IRF3: variants seen among roughly 807,000 people sequenced by gnomAD.
IRF3 encodes interferon regulatory factor 3.
A neutral mutation model predicts 43.2 loss-of-function variants in IRF3; 29 were observed. The ratio of observed to expected loss-of-function variants is 0.67; its 90% CI spans 0.50 to 0.91. The LOEUF is 0.91. IRF3 is among the 40% of genes least tolerant of loss of function. The pLI, the probability that IRF3 is intolerant of heterozygous loss-of-function variation, is 0.00. For missense variants in IRF3, 505 were observed against 559.1 expected (o/e 0.90, Z 0.98); for synonymous variants, 228 against 233.9 (o/e 0.97, Z 0.23).
intron 4 of IRF3, 145 bp from the exon 5 acceptor site, chr19:49,662,762 C>T: frequency 1.5e-6 from 1 of 681,514 alleles, no homozygotes. Context: ...ACAGAGCCAG[C>T]CATGGCATCA....
At chr19:49,660,904 C>A (rs1335522263) in intron 6 of IRF3, 76 bp from the exon 7 acceptor site, 4 of 1,500,890 alleles carry the variant, frequency 2.7e-6, no homozygotes, top group Admixed American at 2.0e-5. Flanking sequence ...TGAATGATAA[C>A]CCCCACCACC....
Position 49,665,685 on chromosome 19 carries a change from C to G in IRF3, c.-63G>C, listed in dbSNP as rs561258503. The G allele has an allele frequency of 1.2e-5, 14 of 1,202,264 alleles. No individual in the cohort carries two copies. The highest frequency in any genetic ancestry group is 1.5e-5 in the African/African-American group (1 of 65,694). The allele number at this position is 1,202,264 out of a possible 1,614,324, so 74.5% of individuals were successfully genotyped here. ...GCTGGAACCCACCCCTGTCTTGGAG[C>G]TCCGGGTAGCTCTCAAACTCGAGGC... On this transcript the variant is annotated 5_prime_UTR_variant, in exon 1 of 8. Coordinates refer to ENST00000377139, the MANE Select transcript of IRF3 (RefSeq NM_001571.6).
chr19:49,662,629 C>CA lies in IRF3; in HGVS notation c.409-13dup. On this transcript the variant is annotated splice_polypyrimidine_tract_variant and intron_variant, in intron 4 of 7. Coordinates refer to ENST00000377139, the MANE Select transcript of IRF3 (RefSeq NM_001571.6). Reference sequence around the variant, plus strand: ...TCCAGAATGTCTTCCTGGAGGGAAACAAAAAAAGAGAATCAGGCATTTCCA... The same window carrying CA: ...TCCAGAATGTCTTCCTGGAGGGAAACAAAAAAAAGAGAATCAGGCATTTCCA... 2.6e-6 allele frequency: 4 copies of CA among 1,523,210 alleles called. No individual in the cohort carries two copies. The East Asian group carries it at 9.8e-5, about 37-fold the overall frequency. 94.4% of individuals were successfully genotyped at this position (1,523,210 alleles called of 1,614,324 possible). A position where few individuals can be genotyped will look rare whatever the true frequency, so the allele number is the denominator to read the frequency against.
In IRF3 at chr19:49,662,506, G is replaced by A. The variant is rs747188367; in HGVS notation, c.520C>T (p.Pro174Ser). 22 of 1,561,174 alleles carry A rather than the reference G, an allele frequency of 1.4e-5. No individual in the cohort carries two copies. Among genetic ancestry groups the A allele is most frequent in the Admixed American group, 8.3e-5 (4 of 48,028 alleles). ...PEPCPQPLRS[P>S]SLDNPTPFPN... ...AAGGGAGTGGGATTGTCCAAGCTGGGGCTCCGCAGGGGCTGAGGGCAGGGC... is the reference window on the plus strand; with the variant it reads ...AAGGGAGTGGGATTGTCCAAGCTGGAGCTCCGCAGGGGCTGAGGGCAGGGC... The change falls in exon 5 of 8, where the codon CCC becomes TCC. Residue 174 changes from proline to serine, a missense_variant. Transcript: ENST00000377139.
At chr19:49,664,089 C>T in intron 2 of IRF3, among the ~76,000 whole-genome samples, 1 of 152,182 alleles carries the variant, frequency 6.6e-6, no homozygotes, top group East Asian at 1.9e-4. Context: ...TGGCCTCAAA[C>T]TCCTGGGCTC....
At chr19:49,664,548 C>T in intron 2 of IRF3, 126 bp downstream of exon 2, 4 of 1,599,926 alleles carry the variant, frequency 2.5e-6, no homozygotes, top group Non-Finnish European at 3.4e-6. Context: ...TCTAGCCCCA[C>T]CCACCAGCGT....
At chr19:49,664,582 G>C in intron 2 of IRF3, 92 bp downstream of exon 2, 1 of 1,567,630 alleles carries the variant, frequency 6.4e-7, no homozygotes, top group East Asian at 2.4e-5. Flanking sequence ...CCCCTCGCGC[G>C]CCACCTCCGC....
intron 2 of IRF3, chr19:49,663,862 A>T (rs943014183): frequency 3.7e-6 from 1 of 270,214 alleles, no homozygotes; most frequent in African/African-American, 2.3e-5. Flanking sequence ...CACCTGGCTA[A>T]TTTTTGTATT....
chr19:49,665,600 A>C, intron 1 of IRF3, 31 bp downstream of exon 1: 1 of 565,744 alleles, frequency 1.8e-6, no homozygotes, highest in South Asian at 2.3e-5. Flanking sequence ...CTCGGACGCC[A>C]CCAACGCTCT....
chr19:49,659,719 A>T lies in IRF3; in HGVS notation c.1213T>A (p.Ser405Thr), dbSNP rs780497970. ...ISNSHPLSLT[S>T]DQYKAYLQDL... ...TGCAGGTAGGCCTTGTACTGGTCGGAGGTGAGGGAGAGTGGGTGGCTGTTG... is the reference window on the plus strand; with the variant it reads ...TGCAGGTAGGCCTTGTACTGGTCGGTGGTGAGGGAGAGTGGGTGGCTGTTG... Residue 405 changes from serine (S) to threonine (T), a missense_variant, in exon 8 of 8, where the codon TCC becomes ACC. Transcript: ENST00000377139. 3 of 1,613,836 alleles carry T rather than the reference A, an allele frequency of 1.9e-6. No individual in the cohort carries two copies. The South Asian group carries it at 3.3e-5, about 18-fold the overall frequency.
At position 49,661,966 on chromosome 19, in the gene IRF3, G is replaced by A; in HGVS notation, c.964C>T (p.Leu322=). 6.2e-7 allele frequency: 1 copy of A among 1,611,724 alleles called. No homozygotes were observed. The highest frequency in any genetic ancestry group is 2.2e-5 in the East Asian group (1 of 44,840). ...CACTCACCTACAATGAAGGGCCCCA[G>A]GTCAAACACGCCTCCTTCCTTGTCC... ...PKDKEGGVFD[L]GPFIVDLITF... is the part of the protein sequence containing the mutation. The change falls in exon 6 of 8, where the codon CTG becomes TTG. Residue 322 remains leucine, a synonymous_variant. Coordinates refer to ENST00000377139, the MANE Select transcript of IRF3 (RefSeq NM_001571.6).
Position 49,660,093 on chromosome 19 carries a change from AACACACACAC to A in IRF3, c.1099-270_1099-261del, listed in dbSNP as rs140415851. 3.1e-5 allele frequency among the ~76,000 whole-genome samples: 4 copies of A among 130,592 alleles called. No homozygotes were observed. In the East Asian group the frequency reaches 8.3e-4, roughly 27 times the overall value. 85.7% of individuals were successfully genotyped at this position (130,592 alleles called of 152,430 possible). On this transcript the variant is annotated intron_variant, in intron 7 of 7. Coordinates refer to ENST00000377139, the MANE Select transcript of IRF3 (RefSeq NM_001571.6). ...AGTTGTAGTTTTACACACACACACA[AACACACACAC>A]ACACACACGTCAGGGCTGAGCAGTC...
At chr19:49,664,485 C>G (rs1243780633) in intron 2 of IRF3, 189 bp downstream of exon 2, 2 of 1,548,178 alleles carry the variant, frequency 1.3e-6, no homozygotes, top group Non-Finnish European at 1.7e-6. Flanking sequence ...AGCTCCAACC[C>G]TGCTTGCGCC....
intron 6 of IRF3, 78 bp from the exon 7 acceptor site, chr19:49,660,906 C>T (rs997823134): frequency 1.3e-6 from 2 of 1,495,372 alleles, no homozygotes; most frequent in Non-Finnish European, 1.8e-6. Context: ...AATGATAACC[C>T]CCACCACCTC....
At position 49,662,201 on chromosome 19, in the gene IRF3, G is replaced by C; in HGVS notation, c.729C>G (p.Val243=). Residue 243 remains valine (V), a synonymous_variant, in exon 6 of 8, where the codon GTC becomes GTG. Transcript: ENST00000377139. Reference sequence around the variant, plus strand: ...GGGACATGCCAGGGTCTGGCAGTGTGACTGGCCATCCAGGCAGCGTCCTGT... The same window carrying C: ...GGGACATGCCAGGGTCTGGCAGTGTCACTGGCCATCCAGGCAGCGTCCTGT... ...VGDRTLPGWP[V]TLPDPGMSLT... 6.2e-7 allele frequency: 1 copy of C among 1,614,076 alleles called. No individual in the cohort carries two copies. Among genetic ancestry groups the C allele is most frequent in the Non-Finnish European group, 8.5e-7 (1 of 1,180,048 alleles).
At chr19:49,664,469 C>G (rs2304207) in intron 2 of IRF3, 233,085 of 1,530,516 alleles carry the variant, frequency 0.15, 19,015 homozygotes, top group Middle Eastern at 0.25. Context: ...ATTCCCGTAA[C>G]CCTGCAGCTC....
rs990389807 is a variant in IRF3, at chr19:49,661,829, T to G, written c.982+119A>C. 5.6e-6 allele frequency: 7 copies of G among 1,252,356 alleles called. No homozygotes were observed. In the Middle Eastern group the frequency reaches 8.2e-4, roughly 147 times the overall value. 77.6% of individuals were successfully genotyped at this position (1,252,356 alleles called of 1,614,324 possible). A position where few individuals can be genotyped will look rare whatever the true frequency, so the allele number is the denominator to read the frequency against. On this transcript the variant is annotated intron_variant, in intron 6 of 7. Coordinates refer to ENST00000377139, the MANE Select transcript of IRF3 (RefSeq NM_001571.6). ...CTCCTGAACTTGTCATCTGCCCACCTCAGCCTCCCAAAGTGCTGGGACTAC... is the reference window on the plus strand; with the variant it reads ...CTCCTGAACTTGTCATCTGCCCACCGCAGCCTCCCAAAGTGCTGGGACTAC...
Position 49,660,767 on chromosome 19 carries a change from C to T in IRF3, c.1044G>A (p.Val348=), listed in dbSNP as rs143300874. 2 of 1,611,044 alleles carry T rather than the reference C, an allele frequency of 1.2e-6. No individual in the cohort carries two copies. The highest frequency in any genetic ancestry group is 1.1e-5 in the South Asian group (1 of 90,190). ...GCTGGTCCTGGGGCCATGACTCCCC[C>T]ACACAGAACCAGAGGGCATAGCGTG... ...RSPRYALWFC[V]GESWPQDQPW... Residue 348 remains valine, a synonymous_variant, in exon 7 of 8, where the codon GTG becomes GTA. Coordinates refer to ENST00000377139, the MANE Select transcript of IRF3 (RefSeq NM_001571.6).
Position 49,662,236 on chromosome 19 carries a change from C to G in IRF3, c.694G>C (p.Glu232Gln), listed in dbSNP as rs369780780. The change falls in exon 6 of 8, where the codon GAA becomes CAA. Residue 232 changes from glutamate to glutamine, a missense_variant. Physicochemically the swap from Glu to Gln is conservative, Grantham distance 29. Coordinates refer to ENST00000377139, the MANE Select transcript of IRF3 (RefSeq NM_001571.6). Reference sequence around the variant, plus strand: ...CCAGGCAGCGTCCTGTCTCCCACTTCGGACCCCACCAGCCGCAGGCCCTCC... The same window carrying G: ...CCAGGCAGCGTCCTGTCTCCCACTTGGGACCCCACCAGCCGCAGGCCCTCC... ...CPEGLRLVGS[E>Q]VGDRTLPGWP... The G allele has an allele frequency of 6.2e-7, 1 of 1,613,948 alleles. No homozygotes were observed. Among genetic ancestry groups the G allele is most frequent in the Non-Finnish European group, 8.5e-7 (1 of 1,180,050 alleles).
Sources: allele counts gnomAD v4.1 joint callset (sites outside exome capture counted in the v4.1 genomes callset), GRCh38; gene constraint gnomAD v4.1.1; transcripts MANE v1.5; gene names NCBI Gene and HGNC (gene_info 2026-07-23, HGNC 2026-07-21).